The following RIN2 variants were observed in gnomAD, a reference collection of about 807,000 sequenced individuals.
The protein encoded by RIN2 is Ras and Rab interactor 2.
Under a neutral mutation model 78.0 loss-of-function variants are expected in RIN2, and 36 were observed. That is an observed-to-expected ratio of 0.46 (90% CI 0.35 to 0.61). RIN2 has a LOEUF of 0.61. RIN2 is among the 20% of genes least tolerant of loss of function. The pLI, the probability that RIN2 is intolerant of heterozygous loss-of-function variation, is 0.00. For missense variants in RIN2, 1,087 were observed against 1,159.7 expected, an observed-to-expected ratio of 0.94 and a Z score of 0.91; for synonymous variants, 466 against 466.8, an observed-to-expected ratio of 1.00 and a Z score of 0.02.
intron 2 of RIN2, among the ~76,000 whole-genome samples, chr20:19,877,042 G>A (rs1185331512): frequency 6.6e-6 from 1 of 152,166 alleles, no homozygotes; most frequent in Non-Finnish European, 1.5e-5. Context: ...GGCCCAGTTT[G>A]CTTTACTGAT....
At chr20:19,984,896 G>A (rs775040646) in intron 9 of RIN2, among the ~76,000 whole-genome samples, 1 of 152,182 alleles carries the variant, frequency 6.6e-6, no homozygotes. Flanking sequence ...ATTCCCTGGA[G>A]AGTATTGATT....
chr20:19,759,961 G>A (rs546762849), intron 1 of RIN2, among the ~76,000 whole-genome samples: 1 of 152,328 alleles, frequency 6.6e-6, no homozygotes, highest in South Asian at 2.1e-4. Context: ...GGTGGTTTGA[G>A]AGTTGACAGT....
chr20:19,970,428 C>T lies in RIN2; in HGVS notation c.537-410C>T, dbSNP rs184553644. Among the ~76,000 whole-genome samples the T allele has an allele frequency of 9.8e-5, 15 of 152,328 alleles. No homozygotes were observed. In the East Asian group the frequency reaches 2.3e-3, roughly 24 times the overall value. On this transcript the variant is annotated intron_variant, in intron 7 of 12. Coordinates refer to ENST00000255006, the MANE Select transcript of RIN2 (RefSeq NM_018993.4). Reference sequence around the variant, plus strand: ...TGCAAGGCAATGGGCTAATTCATCTCGGTTTAGGATTCCACATTCCTGCCC... The same window carrying T: ...TGCAAGGCAATGGGCTAATTCATCTTGGTTTAGGATTCCACATTCCTGCCC...
At chr20:19,895,515 T>C (rs2038681809) in intron 3 of RIN2, among the ~76,000 whole-genome samples, 1 of 152,110 alleles carries the variant, frequency 6.6e-6, no homozygotes, top group Non-Finnish European at 1.5e-5. Context: ...AGAGTTGCTC[T>C]TACTAGACCA....
rs755475903 is a variant in RIN2 at position 19,965,347 on chromosome 20, T to C, written c.536+323T>C. On this transcript the variant is annotated intron_variant, in intron 7 of 12. Transcript: ENST00000255006. ...ACACACACGCACATATGTGCACACA[T>C]GCACACACAGACACACATGCACACA... 1.2e-4 allele frequency among the ~76,000 whole-genome samples: 18 copies of C among 152,056 alleles called. 1 individual carries two copies. The highest frequency in any genetic ancestry group is 2.4e-4 in the Non-Finnish European group (16 of 68,014).
chr20:19,976,127 C>G (rs1242459524), intron 9 of RIN2, among the ~76,000 whole-genome samples: 2 of 152,234 alleles, frequency 1.3e-5, no homozygotes, highest in Non-Finnish European at 2.9e-5. Context: ...GCTGTGCATA[C>G]ATACAAAGGT....
intron 1 of RIN2, among the ~76,000 whole-genome samples, chr20:19,770,948 G>C (rs2034097156): frequency 6.6e-6 from 1 of 151,582 alleles, no homozygotes; most frequent in Non-Finnish European, 1.5e-5. Flanking sequence ...GCATCAAGTG[G>C]GGGTTCCCAC....
At chr20:19,834,949 G>GAC (rs1568796220) in intron 2 of RIN2, among the ~76,000 whole-genome samples, 1 of 142,680 alleles carries the variant, frequency 7.0e-6, no homozygotes, top group Non-Finnish European at 1.5e-5. Flanking sequence ...GTGAAGAAAA[G>GAC]AGAGAGAGAG....
rs371438460 is a variant in RIN2 at position 19,975,171 on chromosome 20, G to A, written c.1146G>A (p.Pro382=). The A allele has an allele frequency of 9.3e-6, 15 of 1,610,938 alleles. No individual in the cohort carries two copies. In the South Asian group the frequency reaches 9.9e-5, roughly 11 times the overall value. The change falls in exon 9 of 13, where the codon CCG becomes CCA. Residue 382 remains proline (P), a synonymous_variant. Transcript: ENST00000255006. The surrounding 1 kb of genome is among the most constrained non-coding windows in gnomAD (Gnocchi z 4.9). ...CAAAGACCTTGAGCGGCGGCCGGCC[G>A]GGCGCAGGCCCGGAGCTGGAGCTGG... ...GGAKTLSGGR[P]GAGPELELGT... is the part of the protein sequence containing the mutation.
intron 2 of RIN2, among the ~76,000 whole-genome samples, chr20:19,815,209 T>C (rs1156561934): frequency 6.6e-6 from 1 of 152,224 alleles, no homozygotes; most frequent in Admixed American, 6.5e-5. Context: ...CACTTTCTTA[T>C]TTTGTGTTCC....
At chr20:19,844,593 G>GCTGCTTCTT (rs1568806843) in intron 2 of RIN2, among the ~76,000 whole-genome samples, 3 of 64,066 alleles carry the variant, frequency 4.7e-5, no homozygotes, top group African/African-American at 1.5e-4. Flanking sequence ...TGCTGCTGCT[G>GCTGCTTCTT]CTTCTTCCTC....
At position 19,964,960 on chromosome 20, in the gene RIN2, C is replaced by T. The variant is rs772082705; in HGVS notation, c.472C>T (p.Leu158=). 4 of 1,613,434 alleles carry T rather than the reference C, an allele frequency of 2.5e-6. No homozygotes were observed. The African/African-American group carries it at 4.0e-5, about 16-fold the overall frequency. The change falls in exon 7 of 13, where the codon CTG becomes TTG. Residue 158 remains leucine (L), a synonymous_variant. Coordinates refer to ENST00000255006, the MANE Select transcript of RIN2 (RefSeq NM_018993.4). ...TGAAATCTCTTTTCCAGCCTTTTCC[C>T]TGGAAGGCTCAGGAATCAGTTTCGC... ...AIKESTYTFS[L]EGSGISFADL...
intron 4 of RIN2, among the ~76,000 whole-genome samples, chr20:19,948,117 G>A (rs1371792063): frequency 6.6e-6 from 1 of 152,168 alleles, no homozygotes; most frequent in East Asian, 1.9e-4. Flanking sequence ...AAACACAAGG[G>A]TAGACCACAG....
intron 2 of RIN2, among the ~76,000 whole-genome samples, chr20:19,800,807 CTGTT>C (rs371144255): frequency 0.011 from 1,662 of 152,356 alleles, 26 homozygotes; most frequent in African/African-American, 0.038. Flanking sequence ...CACAGCAACA[CTGTT>C]TGAAGTGTAA....
In RIN2 at chr20:20,002,061, T is replaced by C. The variant is rs549075058; in HGVS notation, c.*1125T>C. 2 of 152,538 alleles carry C rather than the reference T, an allele frequency of 1.3e-5. No homozygotes were observed. Among genetic ancestry groups the C allele is most frequent in the South Asian group, 4.1e-4 (2 of 4,832 alleles). 9.4% of individuals were successfully genotyped at this position (152,538 alleles called of 1,614,324 possible). ...ATTATTGGGACCAGAAACCAAGTAA[T>C]GTATAATGTGGCTTTTGTTGAGTTA... On this transcript the variant is annotated 3_prime_UTR_variant, in exon 13 of 13. Coordinates refer to ENST00000255006, the MANE Select transcript of RIN2 (RefSeq NM_018993.4).
intron 2 of RIN2, among the ~76,000 whole-genome samples, chr20:19,847,553 C>T (rs560046108): frequency 6.6e-6 from 1 of 152,268 alleles, no homozygotes; most frequent in Admixed American, 6.5e-5. Context: ...GTGTGGCACC[C>T]AGCACAGTAG....
At chr20:19,806,924 G>T (rs1359804167) in intron 2 of RIN2, among the ~76,000 whole-genome samples, 4 of 152,208 alleles carry the variant, frequency 2.6e-5, no homozygotes, top group Non-Finnish European at 5.9e-5. Context: ...TTTAGCTCAT[G>T]CAAACAGAGG....
Position 20,001,542 on chromosome 20 carries a change from T to C in RIN2, c.*606T>C, listed in dbSNP as rs1311234748. On this transcript the variant is annotated 3_prime_UTR_variant, in exon 13 of 13. Coordinates refer to ENST00000255006, the MANE Select transcript of RIN2 (RefSeq NM_018993.4). ...CATTTAATATTCAAAAATAAATCTCTTGCTGGATTTGAGAGTATTGCATTT... is the reference window on the plus strand; with the variant it reads ...CATTTAATATTCAAAAATAAATCTCCTGCTGGATTTGAGAGTATTGCATTT... The C allele has an allele frequency of 6.6e-6, 1 of 152,630 alleles. No homozygotes were observed. Among genetic ancestry groups the C allele is most frequent in the Admixed American group, 6.5e-5 (1 of 15,276 alleles). The allele number at this position is 152,630 out of a possible 1,614,324, so 9.5% of individuals were successfully genotyped here. A position where few individuals can be genotyped will look rare whatever the true frequency, so the allele number is the denominator to read the frequency against.
chr20:19,860,873 G>A (rs1600643381), intron 2 of RIN2, among the ~76,000 whole-genome samples: 2 of 152,264 alleles, frequency 1.3e-5, no homozygotes, highest in Non-Finnish European at 1.5e-5. Context: ...GAATGACTAA[G>A]TGAACGAAGA....
Sources: allele counts gnomAD v4.1 joint callset (sites outside exome capture counted in the v4.1 genomes callset), GRCh38; gene constraint gnomAD v4.1.1; non-coding constraint Gnocchi (gnomAD v3.1); transcripts MANE v1.5; gene names NCBI Gene and HGNC (gene_info 2026-07-23, HGNC 2026-07-21).